Variants in UBE2E2 observed in about 807,000 individuals in gnomAD.
The protein encoded by UBE2E2 is ubiquitin-conjugating enzyme E2 E2.
UBE2E2 carries 6 observed loss-of-function variants against 24.7 expected under a neutral mutation model. The observed-to-expected ratio is 0.24, with a 90% CI of 0.13 to 0.48. The LOEUF is 0.48. Among genes scored for constraint, UBE2E2 ranks in the 20% least tolerant of loss-of-function variants. The pLI is 0.99. For synonymous variants in UBE2E2, 104 were observed against 83.6 expected (o/e 1.24, Z -1.33); for missense variants, 169 against 245.0 (o/e 0.69, Z 2.07).
At chr3:23,287,174 A>G (rs368122492) in intron 3 of UBE2E2, among the ~76,000 whole-genome samples, 4 of 152,168 alleles carry the variant, frequency 2.6e-5, no homozygotes, top group South Asian at 2.1e-4. Flanking sequence ...TTTTTCAGCA[A>G]TGATCATATG....
At chr3:23,535,815 G>C (rs540938455) in intron 5 of UBE2E2, among the ~76,000 whole-genome samples, 33 of 152,038 alleles carry the variant, frequency 2.2e-4, no homozygotes, top group African/African-American at 7.7e-4. Context: ...TAGAGACAAG[G>C]CTTCACCGTG....
intron 3 of UBE2E2, among the ~76,000 whole-genome samples, chr3:23,225,880 T>G (rs565624436): frequency 2.9e-4 from 44 of 152,194 alleles, no homozygotes; most frequent in East Asian, 1.7e-3. Context: ...AGTGTTTTTT[T>G]TTTTTGTTTT....
At position 23,300,930 on chromosome 3, in the gene UBE2E2, G is replaced by A. The variant is rs189837862; in HGVS notation, c.227+83618G>A. Among the ~76,000 whole-genome samples, 388 of 152,240 alleles carry A rather than the reference G, an allele frequency of 2.5e-3. 3 individuals are homozygous for A. The highest frequency in any genetic ancestry group is 8.9e-3 in the African/African-American group (368 of 41,550). Reference sequence around the variant, plus strand: ...TCACTTTCAGGTACACCAATCAGACGTAGATTTGGTCTTTTCACATAGTCC... The same window carrying A: ...TCACTTTCAGGTACACCAATCAGACATAGATTTGGTCTTTTCACATAGTCC... On this transcript the variant is annotated intron_variant, in intron 3 of 5. Coordinates refer to ENST00000396703, the MANE Select transcript of UBE2E2 (RefSeq NM_152653.4).
chr3:23,466,671 G>A (rs1237332900), intron 3 of UBE2E2, among the ~76,000 whole-genome samples: 1 of 152,126 alleles, frequency 6.6e-6, no homozygotes, highest in Non-Finnish European at 1.5e-5. Context: ...GGGTTCAAGC[G>A]ATTCTCCTGC....
chr3:23,334,721 T>C (rs1695158315), intron 3 of UBE2E2, among the ~76,000 whole-genome samples: 1 of 152,204 alleles, frequency 6.6e-6, no homozygotes, highest in Non-Finnish European at 1.5e-5. Context: ...GTTTTTCCTT[T>C]TGCTAAGGTG....
intron 3 of UBE2E2, among the ~76,000 whole-genome samples, chr3:23,254,893 T>G (rs1697671215): frequency 6.6e-6 from 1 of 151,658 alleles, no homozygotes; most frequent in African/African-American, 2.4e-5. Flanking sequence ...GAACTCAGCT[T>G]CTTTAAGGCT....
chr3:23,488,126 G>A (rs904112903), intron 3 of UBE2E2, among the ~76,000 whole-genome samples: 1 of 151,664 alleles, frequency 6.6e-6, no homozygotes, highest in African/African-American at 2.4e-5. Context: ...GAAGTATATT[G>A]AGTGTCTTGT....
At chr3:23,271,166 C>T in intron 3 of UBE2E2, 1 of 411,896 alleles carries the variant, frequency 2.4e-6, no homozygotes, top group South Asian at 1.9e-5. Context: ...AGTATTGTGT[C>T]TGGAATTGGT....
intron 5 of UBE2E2, among the ~76,000 whole-genome samples, chr3:23,577,731 A>G (rs1186579859): frequency 3.3e-5 from 5 of 152,246 alleles, no homozygotes; most frequent in Admixed American, 6.5e-5. Context: ...GTTGAAAGAT[A>G]CCAATCTAGG....
At chr3:23,453,357 G>A (rs1553612553) in intron 3 of UBE2E2, among the ~76,000 whole-genome samples, 2 of 149,686 alleles carry the variant, frequency 1.3e-5, no homozygotes, top group South Asian at 2.1e-4. Flanking sequence ...GTTTTTTTTT[G>A]TGGTGAGGAA....
chr3:23,428,683 C>G (rs1191422798), intron 3 of UBE2E2, among the ~76,000 whole-genome samples: 1 of 151,766 alleles, frequency 6.6e-6, no homozygotes, highest in Non-Finnish European at 1.5e-5. Context: ...ACATCAGAAA[C>G]AAAAGAGAGG....
intron 3 of UBE2E2, among the ~76,000 whole-genome samples, chr3:23,335,540 G>GT (rs971955723): frequency 6.6e-6 from 1 of 152,074 alleles, no homozygotes; most frequent in Non-Finnish European, 1.5e-5. Flanking sequence ...TTTAAAAAAG[G>GT]TTTTTTAAGA....
chr3:23,409,349 C>T (rs1697446078), intron 3 of UBE2E2, among the ~76,000 whole-genome samples: 1 of 152,148 alleles, frequency 6.6e-6, no homozygotes, highest in Non-Finnish European at 1.5e-5. Flanking sequence ...AGCGTATTTT[C>T]AGGTACACAC....
At chr3:23,396,703 T>C (rs1450447309) in intron 3 of UBE2E2, among the ~76,000 whole-genome samples, 2 of 152,160 alleles carry the variant, frequency 1.3e-5, no homozygotes, top group Admixed American at 6.6e-5. Flanking sequence ...GAGATAATAA[T>C]AGTAACTTCT....
chr3:23,540,473 C>G (rs564983306), intron 5 of UBE2E2, among the ~76,000 whole-genome samples: 1 of 152,234 alleles, frequency 6.6e-6, no homozygotes, highest in South Asian at 2.1e-4. Context: ...GGTGCGATCT[C>G]AGCTCACTGC....
chr3:23,307,656 G>A (rs2125272685), intron 3 of UBE2E2, among the ~76,000 whole-genome samples: 1 of 152,166 alleles, frequency 6.6e-6, no homozygotes, highest in Admixed American at 6.5e-5. Flanking sequence ...AAATGTTTTA[G>A]CAATTATATT....
At chr3:23,225,296 T>C (rs1696788612) in intron 3 of UBE2E2, among the ~76,000 whole-genome samples, 1 of 152,122 alleles carries the variant, frequency 6.6e-6, no homozygotes, top group Non-Finnish European at 1.5e-5. Context: ...AAGTTTTTGC[T>C]TTTTGTGAAG....
At chr3:23,421,442 G>T (rs4858078) in intron 3 of UBE2E2, among the ~76,000 whole-genome samples, 1 of 152,208 alleles carries the variant, frequency 6.6e-6, no homozygotes, top group African/African-American at 2.4e-5. Context: ...ATGAAATCAT[G>T]TCTGTTGCAG....
intron 5 of UBE2E2, among the ~76,000 whole-genome samples, chr3:23,574,584 A>T (rs1306625839): frequency 6.6e-6 from 1 of 152,150 alleles, no homozygotes; most frequent in Admixed American, 6.6e-5. Context: ...TCTCAGTGGC[A>T]CACACCTGTA....
Sources: gnomAD v4.1 joint callset for allele counts (sites outside exome capture counted in the v4.1 genomes callset) on GRCh38, gnomAD v4.1.1 for gene constraint, MANE v1.5 for transcripts, NCBI Gene and HGNC (gene_info 2026-07-23, HGNC 2026-07-21) for gene names.